The following USP13 variants were observed in gnomAD, a reference collection of about 807,000 sequenced individuals.
USP13 encodes the protein ubiquitin specific peptidase 13, also known as ubiquitin carboxyl-terminal hydrolase 13.
In USP13, 68 loss-of-function variants were observed where a neutral mutation model predicts 107.8. That is an observed-to-expected ratio of 0.63 (90% CI 0.52 to 0.77). The LOEUF (loss-of-function observed/expected upper bound fraction) is 0.77. Ranked by LOEUF, USP13 falls within the 30% of genes least tolerant of loss-of-function variation. USP13 has a pLI of 0.00. For synonymous variants in USP13, 377 were observed against 389.5 expected (o/e 0.97, Z 0.38); for missense variants, 945 against 1,093.3 (o/e 0.86, Z 1.91).
At chr3:179,679,643 C>G (rs1017762998) in intron 1 of USP13, among the ~76,000 whole-genome samples, 1 of 152,046 alleles carries the variant, frequency 6.6e-6, no homozygotes, top group African/African-American at 2.4e-5. Context: ...ATCTAAAATT[C>G]AGACATATCC....
intron 12 of USP13, among the ~76,000 whole-genome samples, chr3:179,743,966 C>A (rs1714303453): frequency 7.7e-6 from 1 of 129,828 alleles, no homozygotes; most frequent in South Asian, 2.5e-4. Context: ...AAAGAAATGA[C>A]CAGAAAGGCC....
At position 179,765,690 on chromosome 3, in the gene USP13, G is replaced by A. The variant is rs1474528388; in HGVS notation, c.2260-5G>A. ...TAAAAACATCTGTTTCTTTTTTGTT[G>A]TTAGAATAATAACCTGGAAAGAGCA... On this transcript the variant is annotated splice_region_variant and splice_polypyrimidine_tract_variant and intron_variant, in intron 18 of 20. Coordinates refer to ENST00000263966, the MANE Select transcript of USP13 (RefSeq NM_003940.3). The A allele has an allele frequency of 2.5e-6, 4 of 1,612,880 alleles. No individual in the cohort carries two copies. The highest frequency in any genetic ancestry group is 3.4e-6 in the Non-Finnish European group (4 of 1,179,576).
intron 1 of USP13, among the ~76,000 whole-genome samples, chr3:179,667,475 T>A (rs772552258): frequency 1.3e-5 from 2 of 152,212 alleles, no homozygotes; most frequent in Non-Finnish European, 2.9e-5. Flanking sequence ...TCTTTTTGTA[T>A]GTGTAAGCCG....
chr3:179,767,428 G>GTTTTTTT (rs1431728738), intron 19 of USP13, among the ~76,000 whole-genome samples: 1 of 143,754 alleles, frequency 7.0e-6, no homozygotes. Context: ...GTTTTTTTTG[G>GTTTTTTT]TTTTTTTTTT....
At chr3:179,671,042 C>A (rs980484448) in intron 1 of USP13, among the ~76,000 whole-genome samples, 1 of 152,026 alleles carries the variant, frequency 6.6e-6, no homozygotes, top group African/African-American at 2.4e-5. Flanking sequence ...CACTTGAGAT[C>A]TGGAGTTCGA....
chr3:179,723,380 A>G (rs75683735), intron 8 of USP13, among the ~76,000 whole-genome samples: 2,152 of 152,302 alleles, frequency 0.014, 35 homozygotes, highest in African/African-American at 0.049. Context: ...TCAGTGGTGA[A>G]CACAAGGACA....
chr3:179,704,630 A>G (rs1293542064), intron 4 of USP13, among the ~76,000 whole-genome samples: 1 of 152,170 alleles, frequency 6.6e-6, no homozygotes, highest in African/African-American at 2.4e-5. Context: ...TCCCAAACCC[A>G]TAAAGCCTGG....
Position 179,742,165 on chromosome 3 carries a change from C to T in USP13, c.1381-32C>T, listed in dbSNP as rs761064664. 1 of 1,613,548 alleles carries T rather than the reference C, an allele frequency of 6.2e-7. No individual in the cohort carries two copies. Among genetic ancestry groups the T allele is most frequent in the Non-Finnish European group, 8.5e-7 (1 of 1,179,532 alleles). On this transcript the variant is annotated intron_variant, in intron 11 of 20. Transcript: ENST00000263966. This position sits in a 1 kb window ranked among gnomAD's most constrained non-coding sequence, Gnocchi z 5.0. Reference sequence around the variant, plus strand: ...AAGTCTTAGTGGCTCAATATTCATACATTTACTAACCTGATACAATCCATC... The same window carrying T: ...AAGTCTTAGTGGCTCAATATTCATATATTTACTAACCTGATACAATCCATC...
chr3:179,754,482 A>G (rs533772603), intron 14 of USP13, among the ~76,000 whole-genome samples: 19 of 152,338 alleles, frequency 1.2e-4, no homozygotes, highest in Admixed American at 1.2e-3. Flanking sequence ...TGGGCTGCCA[A>G]TTTGTAACCT....
intron 1 of USP13, among the ~76,000 whole-genome samples, chr3:179,655,284 G>A (rs541755438): frequency 6.6e-6 from 1 of 152,254 alleles, no homozygotes; most frequent in Non-Finnish European, 1.5e-5. Flanking sequence ...GATAACAGGT[G>A]TGGGAAAAAA....
intron 6 of USP13, among the ~76,000 whole-genome samples, chr3:179,715,383 G>T (rs61204335): frequency 0.35 from 28,738 of 82,192 alleles, 2,859 homozygotes; most frequent in Admixed American, 0.42. Context: ...TTTTTTTTTT[G>T]AGATGGAGTC....
chr3:179,662,954 C>G (rs192405868), intron 1 of USP13, among the ~76,000 whole-genome samples: 107 of 152,266 alleles, frequency 7.0e-4, no homozygotes, highest in African/African-American at 2.5e-3. Context: ...CTCCCTCTCT[C>G]TCTTTTTATT....
chr3:179,681,948 A>G lies in USP13; in HGVS notation c.239A>G (p.His80Arg), dbSNP rs1261910861. ...TTTGGAAGGGAACATGTTGAAAGACATTTTCGAAAAACTGGACAGAGTGTA... is the reference window on the plus strand; with the variant it reads ...TTTGGAAGGGAACATGTTGAAAGACGTTTTCGAAAAACTGGACAGAGTGTA... ...LAFGREHVERHFRKTGQSVYM... is the reference protein window; with the variant it reads ...LAFGREHVERRFRKTGQSVYM... Residue 80 changes from histidine to arginine, a missense_variant, in exon 2 of 21, where the codon CAT becomes CGT. By Grantham distance (29) the His-to-Arg change is conservative. Transcript: ENST00000263966. 2 of 1,614,076 alleles carry G rather than the reference A, an allele frequency of 1.2e-6. No homozygotes were observed. Among genetic ancestry groups the G allele is most frequent in the Non-Finnish European group, 1.7e-6 (2 of 1,179,988 alleles).
rs532226253 is a variant in USP13, at chr3:179,670,458, C to T, written c.169-11420C>T. Among the ~76,000 whole-genome samples the T allele has an allele frequency of 3.3e-4, 50 of 152,246 alleles. 1 individual carries two copies. In the South Asian group the frequency reaches 0.01, roughly 32 times the overall value. On this transcript the variant is annotated intron_variant, in intron 1 of 20. Coordinates refer to ENST00000263966, the MANE Select transcript of USP13 (RefSeq NM_003940.3). ...CTCACGGCTTCTTTTCCATTCTCCA[C>T]ATTGAGCATCCCCTTTTGTAAACAT... is the stretch of plus-strand genomic sequence containing the variant.
intron 2 of USP13, among the ~76,000 whole-genome samples, chr3:179,684,116 A>G (rs1464079864): frequency 6.6e-6 from 1 of 151,814 alleles, no homozygotes; most frequent in Non-Finnish European, 1.5e-5. Flanking sequence ...GCGCGCCACC[A>G]TGCCCGGCTA....
At chr3:179,657,996 A>C (rs1274270899) in intron 1 of USP13, among the ~76,000 whole-genome samples, 1 of 151,888 alleles carries the variant, frequency 6.6e-6, no homozygotes, top group African/African-American at 2.4e-5. Flanking sequence ...GTGTCTCTTC[A>C]GTTTCCAGGT....
intron 4 of USP13, among the ~76,000 whole-genome samples, chr3:179,703,726 T>C (rs1400143775): frequency 6.6e-6 from 1 of 152,198 alleles, no homozygotes; most frequent in Admixed American, 6.5e-5. Context: ...TAGCAGACCA[T>C]TGTACAGAAT....
rs1715916786 is a variant in USP13 at position 179,786,428 on chromosome 3, A to G, written c.*2287A>G. 1.3e-5 allele frequency: 2 copies of G among 152,196 alleles called. No individual in the cohort carries two copies. The highest frequency in any genetic ancestry group is 4.8e-5 in the African/African-American group (2 of 41,446). 9.4% of individuals were successfully genotyped at this position (152,196 alleles called of 1,614,324 possible). On this transcript the variant is annotated 3_prime_UTR_variant, in exon 21 of 21. Coordinates refer to ENST00000263966, the MANE Select transcript of USP13 (RefSeq NM_003940.3). ...TGATGTAAAATCAATATTTAAGACT[A>G]TAGGCTATAAATTGTTTGATTTCAT...
intron 15 of USP13, among the ~76,000 whole-genome samples, chr3:179,756,076 C>G (rs886364718): frequency 6.6e-6 from 1 of 152,244 alleles, no homozygotes; most frequent in Non-Finnish European, 1.5e-5. Flanking sequence ...ACTGCTCCAG[C>G]TCTCTCTGAT....
Sources: allele counts gnomAD v4.1 joint callset (sites outside exome capture counted in the v4.1 genomes callset), GRCh38; gene constraint gnomAD v4.1.1; non-coding constraint Gnocchi (gnomAD v3.1); transcripts MANE v1.5; gene names NCBI Gene and HGNC (gene_info 2026-07-23, HGNC 2026-07-21).